CCDC91: variants seen among roughly 807,000 people sequenced by gnomAD.
CCDC91 encodes the protein coiled-coil domain containing 91.
A neutral mutation model predicts 63.2 loss-of-function variants in CCDC91; 48 were observed. The ratio of observed to expected loss-of-function variants is 0.76; its 90% CI spans 0.60 to 0.97. CCDC91 has a LOEUF of 0.97. Among genes scored for constraint, CCDC91 ranks in the 50% least tolerant of loss-of-function variants. The pLI, the probability that CCDC91 is intolerant of heterozygous loss-of-function variation, is 0.00. For missense variants in CCDC91, 500 were observed against 494.6 expected, an observed-to-expected ratio of 1.01 and a Z score of -0.10; for synonymous variants, 167 against 165.8, an observed-to-expected ratio of 1.01 and a Z score of -0.06.
At chr12:28,421,878 T>A (rs1407503573) in intron 8 of CCDC91, among the ~76,000 whole-genome samples, 1 of 152,110 alleles carries the variant, frequency 6.6e-6, no homozygotes, top group East Asian at 1.9e-4. Context: ...TCTGTTCCTC[T>A]GGGGAACCCT....
At chr12:28,504,077 A>C (rs1443995973) in intron 12 of CCDC91, among the ~76,000 whole-genome samples, 1 of 152,102 alleles carries the variant, frequency 6.6e-6, no homozygotes, top group African/African-American at 2.4e-5. Flanking sequence ...CTAAAACTTA[A>C]AGTGTAAAAA....
chr12:28,345,236 A>T (rs768032924), intron 6 of CCDC91, among the ~76,000 whole-genome samples: 1 of 152,032 alleles, frequency 6.6e-6, no homozygotes, highest in African/African-American at 2.4e-5. Context: ...TTTACTGTGT[A>T]TATGTGTATG....
chr12:28,429,294 T>G (rs1285413622), intron 8 of CCDC91, among the ~76,000 whole-genome samples: 1 of 152,180 alleles, frequency 6.6e-6, no homozygotes, highest in African/African-American at 2.4e-5. Context: ...CAAGTTTTAA[T>G]CCAGTATTCT....
chr12:28,309,356 TTCTG>T (rs771431887), intron 6 of CCDC91, among the ~76,000 whole-genome samples: 32 of 152,010 alleles, frequency 2.1e-4, no homozygotes, highest in African/African-American at 7.0e-4. Flanking sequence ...ATGCGAATAA[TTCTG>T]TCTGTTAGAA....
Position 28,455,280 on chromosome 12 carries a change from A to T in CCDC91, c.1101+2626A>T, listed in dbSNP as rs374638625. Among the ~76,000 whole-genome samples, 52 of 152,230 alleles carry T rather than the reference A, an allele frequency of 3.4e-4. 3 individuals carry two copies. In the South Asian group the frequency reaches 9.4e-3, roughly 27 times the overall value. ...TTAATCATATTAGTTTCCTAGGAAA[A>T]GCCAATTGGAAAAACTAATATATTA... On this transcript the variant is annotated intron_variant, in intron 11 of 12. Coordinates refer to ENST00000536442, the MANE Select transcript of CCDC91 (RefSeq NM_018318.5).
chr12:28,291,925 G>A (rs994241314), intron 3 of CCDC91, among the ~76,000 whole-genome samples: 17 of 152,258 alleles, frequency 1.1e-4, no homozygotes, highest in African/African-American at 4.1e-4. Flanking sequence ...GCCAGCCACT[G>A]TGATCTTCAT....
At chr12:28,386,329 A>G (rs2139188093) in intron 7 of CCDC91, among the ~76,000 whole-genome samples, 1 of 152,316 alleles carries the variant, frequency 6.6e-6, no homozygotes, top group Admixed American at 6.5e-5. Context: ...TAGTTCCCGT[A>G]TTAAGAGACC....
At chr12:28,304,774 C>A in intron 3 of CCDC91, 1 of 538,206 alleles carries the variant, frequency 1.9e-6, no homozygotes, top group Admixed American at 3.8e-5. Context: ...ACTCACTTTC[C>A]TTAAATTTTA....
intron 7 of CCDC91, among the ~76,000 whole-genome samples, chr12:28,363,369 T>C (rs1172813381): frequency 6.6e-6 from 1 of 152,212 alleles, no homozygotes; most frequent in Non-Finnish European, 1.5e-5. Context: ...CCTATTTTTG[T>C]TACTCTTCTT....
intron 6 of CCDC91, among the ~76,000 whole-genome samples, chr12:28,309,176 A>G (rs778389764): frequency 6.4e-4 from 97 of 152,002 alleles, no homozygotes; most frequent in Non-Finnish European, 1.2e-3. Context: ...TGGAAATAAG[A>G]AAAACGCAGG....
At chr12:28,513,834 TACC>T (rs1027730232) in intron 12 of CCDC91, among the ~76,000 whole-genome samples, 1 of 151,936 alleles carries the variant, frequency 6.6e-6, no homozygotes, top group Non-Finnish European at 1.5e-5. Flanking sequence ...GGTGTATATG[TACC>T]ACATTTTCTT....
At chr12:28,449,881 A>T (rs1292782196) in intron 8 of CCDC91, among the ~76,000 whole-genome samples, 1 of 152,080 alleles carries the variant, frequency 6.6e-6, no homozygotes, top group Middle Eastern at 3.4e-3. Flanking sequence ...TGGAAAATAC[A>T]TCATTTTCTG....
intron 8 of CCDC91, among the ~76,000 whole-genome samples, chr12:28,428,179 CAT>C (rs1948430297): frequency 6.6e-6 from 1 of 152,128 alleles, no homozygotes; most frequent in African/African-American, 2.4e-5. Context: ...TGTGTGCCCT[CAT>C]ATACTTCATA....
intron 7 of CCDC91, among the ~76,000 whole-genome samples, chr12:28,385,148 A>T (rs572806980): frequency 6.6e-6 from 1 of 152,312 alleles, no homozygotes; most frequent in African/African-American, 2.4e-5. Context: ...AAATTTTTTA[A>T]ACGATAGAAA....
At chr12:28,367,918 A>T (rs1944378129) in intron 7 of CCDC91, among the ~76,000 whole-genome samples, 1 of 152,186 alleles carries the variant, frequency 6.6e-6, no homozygotes. Context: ...TTCCCTGAAC[A>T]GGAAAGGATT....
chr12:28,374,718 G>A (rs1463288474), intron 7 of CCDC91, among the ~76,000 whole-genome samples: 1 of 152,000 alleles, frequency 6.6e-6, no homozygotes, highest in Non-Finnish European at 1.5e-5. Flanking sequence ...TGAACATTCT[G>A]ATTCACCTAG....
intron 12 of CCDC91, among the ~76,000 whole-genome samples, chr12:28,513,664 G>T (rs1939621939): frequency 6.6e-6 from 1 of 151,756 alleles, no homozygotes; most frequent in Non-Finnish European, 1.5e-5. Context: ...CAGATAAACT[G>T]ACCCTTAATT....
intron 12 of CCDC91, among the ~76,000 whole-genome samples, chr12:28,492,097 G>A (rs946914424): frequency 6.6e-6 from 1 of 151,492 alleles, no homozygotes; most frequent in African/African-American, 2.4e-5. Context: ...GAATGAAGTG[G>A]TATTACAAAT....
intron 3 of CCDC91, among the ~76,000 whole-genome samples, chr12:28,265,569 G>A (rs1183112714): frequency 6.6e-6 from 1 of 151,956 alleles, no homozygotes; most frequent in East Asian, 1.9e-4. Flanking sequence ...ATTCTGTCCA[G>A]GAAAACCTAG....
Sources: allele counts gnomAD v4.1 joint callset (sites outside exome capture counted in the v4.1 genomes callset), GRCh38; gene constraint gnomAD v4.1.1; transcripts MANE v1.5; gene names NCBI Gene and HGNC (gene_info 2026-07-23, HGNC 2026-07-21).